Variants in NRG1 observed in about 807,000 individuals in gnomAD.
NRG1 encodes the protein neuregulin 1, also known as pro-neuregulin-1, membrane-bound isoform.
NRG1 carries 18 observed loss-of-function variants against 63.8 expected under a neutral mutation model. The ratio of observed to expected loss-of-function variants is 0.28; its 90% confidence interval spans 0.19 to 0.42. The LOEUF (loss-of-function observed/expected upper bound fraction) is 0.42, where lower values mean the gene tolerates loss of function less well. Among genes scored for constraint, NRG1 ranks in the 10% least tolerant of loss-of-function variants. NRG1 has a pLI of 1.00. For missense variants in NRG1, 762 were observed against 814.7 expected (o/e 0.94, Z 0.79); for synonymous variants, 302 against 301.3 (o/e 1.00, Z -0.02).
At chr8:32,558,541 C>T (rs975940427) in intron 1 of NRG1, among the ~76,000 whole-genome samples, 1 of 152,170 alleles carries the variant, frequency 6.6e-6, no homozygotes, top group Non-Finnish European at 1.5e-5. Context: ...AACCATCTAA[C>T]AGGGACCTGC....
intron 1 of NRG1, among the ~76,000 whole-genome samples, chr8:32,013,419 A>G (rs779779371): frequency 2.7e-4 from 41 of 152,142 alleles, no homozygotes; most frequent in Admixed American, 5.2e-4. Flanking sequence ...GTTGGTGCTT[A>G]GCTTTCTTGA....
intron 5 of NRG1, among the ~76,000 whole-genome samples, chr8:32,684,444 G>C (rs985028554): frequency 6.6e-6 from 1 of 152,120 alleles, no homozygotes; most frequent in Non-Finnish European, 1.5e-5. Context: ...AGTGATTTTA[G>C]CAGGGATTTA....
At chr8:31,856,298 G>C (rs1280895939) in intron 1 of NRG1, among the ~76,000 whole-genome samples, 1 of 151,804 alleles carries the variant, frequency 6.6e-6, no homozygotes, top group Non-Finnish European at 1.5e-5. Context: ...ATTTCTTGGA[G>C]GCTTTGCTCA....
intron 1 of NRG1, among the ~76,000 whole-genome samples, chr8:31,901,811 T>G (rs1338594355): frequency 2.6e-5 from 4 of 152,218 alleles, no homozygotes; most frequent in African/African-American, 9.6e-5. Flanking sequence ...CTTCTCAATA[T>G]CAGTTCCTGG....
At chr8:31,715,546 C>A (rs989864788) in intron 1 of NRG1, among the ~76,000 whole-genome samples, 2 of 151,986 alleles carry the variant, frequency 1.3e-5, no homozygotes, top group African/African-American at 2.4e-5. Flanking sequence ...GTATAATAGT[C>A]TTCTATTTAA....
chr8:32,666,766 A>T (rs1420712392), intron 5 of NRG1, among the ~76,000 whole-genome samples: 1 of 152,202 alleles, frequency 6.6e-6, no homozygotes, highest in Non-Finnish European at 1.5e-5. Context: ...CTCTGTACCC[A>T]TTGAACAACA....
chr8:31,790,358 G>A (rs1354088231), intron 1 of NRG1, among the ~76,000 whole-genome samples: 1 of 152,062 alleles, frequency 6.6e-6, no homozygotes, highest in Non-Finnish European at 1.5e-5. Context: ...TAGAGGAAGG[G>A]TACTGGCTTG....
intron 1 of NRG1, among the ~76,000 whole-genome samples, chr8:31,713,109 A>ATTTTTTT (rs11304829): frequency 2.3e-5 from 2 of 86,042 alleles, no homozygotes; most frequent in Non-Finnish European, 4.7e-5. Context: ...ACTCCTTCTA[A>ATTTTTTT]TTTTTTTTTT....
chr8:31,938,039 C>T (rs1318394447), intron 1 of NRG1, among the ~76,000 whole-genome samples: 1 of 152,130 alleles, frequency 6.6e-6, no homozygotes, highest in Non-Finnish European at 1.5e-5. Flanking sequence ...GGCAAGTTTG[C>T]AACCTGTCTA....
At chr8:32,739,308 C>T (rs1299256285) in intron 6 of NRG1, among the ~76,000 whole-genome samples, 1 of 152,048 alleles carries the variant, frequency 6.6e-6, no homozygotes, top group African/African-American at 2.4e-5. Context: ...CTGTGGCCTG[C>T]GTTTACACTA....
intron 1 of NRG1, among the ~76,000 whole-genome samples, chr8:32,387,112 A>G (rs1283212874): frequency 6.6e-6 from 1 of 152,214 alleles, no homozygotes; most frequent in Non-Finnish European, 1.5e-5. Context: ...GAACTTAAGT[A>G]ACATAGGTAG....
chr8:32,573,608 A>C (rs868521758), intron 1 of NRG1, among the ~76,000 whole-genome samples: 1 of 151,938 alleles, frequency 6.6e-6, no homozygotes, highest in African/African-American at 2.4e-5. Flanking sequence ...TCTTAGAACT[A>C]TGTATTTGGG....
At chr8:31,651,729 T>C (rs1804863567) in intron 1 of NRG1, among the ~76,000 whole-genome samples, 1 of 152,182 alleles carries the variant, frequency 6.6e-6, no homozygotes, top group African/African-American at 2.4e-5. Context: ...TGAAGAGGTA[T>C]TGGCAGCTCC....
intron 1 of NRG1, among the ~76,000 whole-genome samples, chr8:32,290,648 A>T (rs1219353051): frequency 2.0e-5 from 3 of 152,164 alleles, no homozygotes; most frequent in Admixed American, 2.0e-4. Flanking sequence ...CATATTCACG[A>T]TATCGAAGCT....
At chr8:32,311,521 C>G (rs13260643) in intron 1 of NRG1, among the ~76,000 whole-genome samples, 1 of 152,038 alleles carries the variant, frequency 6.6e-6, no homozygotes, top group Non-Finnish European at 1.5e-5. Context: ...GCTCAAAAAC[C>G]TAGAATAAGC....
intron 1 of NRG1, among the ~76,000 whole-genome samples, chr8:31,816,376 G>C (rs1823446370): frequency 6.6e-6 from 1 of 152,096 alleles, no homozygotes; most frequent in African/African-American, 2.4e-5. Context: ...CTGAATTCCA[G>C]CATGATTCTT....
intron 1 of NRG1, among the ~76,000 whole-genome samples, chr8:31,678,662 T>G (rs1161010371): frequency 1.1e-4 from 16 of 150,458 alleles, no homozygotes; most frequent in Non-Finnish European, 4.4e-5. Context: ...TCTTCCTATA[T>G]TCTATATTGA....
Position 32,566,510 on chromosome 8 carries a change from A to G in NRG1, c.100+17684A>G, listed in dbSNP as rs370629263. 2.6e-5 allele frequency among the ~76,000 whole-genome samples: 4 copies of G among 152,272 alleles called. No individual in the cohort carries two copies. The East Asian group carries it at 5.8e-4, about 22-fold the overall frequency. On this transcript the variant is annotated intron_variant, in intron 1 of 11. Coordinates refer to ENST00000356819, the Ensembl canonical transcript of NRG1. ...ACTTCAGGAAGATCCTGGAGCCTCTATCCCTTTCTCCAGGATGAGCAAATG... is the reference window on the plus strand; with the variant it reads ...ACTTCAGGAAGATCCTGGAGCCTCTGTCCCTTTCTCCAGGATGAGCAAATG...
intron 1 of NRG1, among the ~76,000 whole-genome samples, chr8:32,491,162 T>G (rs1048070097): frequency 6.6e-6 from 1 of 152,194 alleles, no homozygotes; most frequent in African/African-American, 2.4e-5. Context: ...GCATGTTGTG[T>G]GAGCAACATC....
Sources: gnomAD v4.1 joint callset for allele counts (sites outside exome capture counted in the v4.1 genomes callset) on GRCh38, gnomAD v4.1.1 for gene constraint, MANE v1.5 for transcripts, NCBI Gene and HGNC (gene_info 2026-07-23, HGNC 2026-07-21) for gene names.